The following CAMK2D variants were observed in gnomAD, a reference collection of about 807,000 sequenced individuals.
CAMK2D encodes calcium/calmodulin-dependent protein kinase type II subunit delta.
A neutral mutation model predicts 84.0 loss-of-function variants in CAMK2D; 37 were observed. That is an observed-to-expected ratio of 0.44 (90% CI 0.34 to 0.58). The LOEUF (loss-of-function observed/expected upper bound fraction) is 0.58. CAMK2D is among the 20% of genes least tolerant of loss of function. CAMK2D has a pLI of 0.02. For synonymous variants in CAMK2D, 202 were observed against 212.5 expected, an observed-to-expected ratio of 0.95 and a Z score of 0.43; for missense variants, 448 against 652.5, an observed-to-expected ratio of 0.69 and a Z score of 3.41.
At chr4:113,633,652 T>C (rs1339575953) in intron 3 of CAMK2D, among the ~76,000 whole-genome samples, 2 of 152,174 alleles carry the variant, frequency 1.3e-5, no homozygotes, top group African/African-American at 2.4e-5. Flanking sequence ...CAGGCCTCCA[T>C]AGCTGTCACT....
At chr4:113,676,567 G>A (rs765422442) in intron 2 of CAMK2D, among the ~76,000 whole-genome samples, 17 of 152,126 alleles carry the variant, frequency 1.1e-4, no homozygotes, top group Non-Finnish European at 2.4e-4. Flanking sequence ...GCCATTGAAG[G>A]AGTTAAAAAT....
intron 4 of CAMK2D, among the ~76,000 whole-genome samples, chr4:113,572,913 G>T (rs571709173): frequency 1.3e-5 from 2 of 152,264 alleles, no homozygotes; most frequent in South Asian, 4.1e-4. Context: ...GGGGCTGGAG[G>T]TTACCATCCT....
At chr4:113,674,102 C>A (rs1347145902) in intron 2 of CAMK2D, among the ~76,000 whole-genome samples, 1 of 152,034 alleles carries the variant, frequency 6.6e-6, no homozygotes, top group African/African-American at 2.4e-5. Flanking sequence ...ATGTCCAATA[C>A]CCTTTGGAAG....
intron 12 of CAMK2D, among the ~76,000 whole-genome samples, chr4:113,510,710 G>A (rs1281241645): frequency 6.6e-6 from 1 of 151,978 alleles, no homozygotes; most frequent in Non-Finnish European, 1.5e-5. Flanking sequence ...ATAGAATTTG[G>A]CTTCGAAAGT....
intron 3 of CAMK2D, among the ~76,000 whole-genome samples, chr4:113,651,966 C>T (rs1383143117): frequency 6.6e-6 from 1 of 152,034 alleles, no homozygotes; most frequent in African/African-American, 2.4e-5. Flanking sequence ...TAATATTTCC[C>T]TCTGGAACAA....
chr4:113,633,879 A>C (rs905757742), intron 3 of CAMK2D, among the ~76,000 whole-genome samples: 2 of 152,246 alleles, frequency 1.3e-5, no homozygotes, highest in African/African-American at 4.8e-5. Context: ...CAGGATTTAC[A>C]TTTGATAAAT....
In CAMK2D at chr4:113,673,743, C is replaced by T. The variant is rs72895905; in HGVS notation, c.161-11971G>A. Among the ~76,000 whole-genome samples the T allele has an allele frequency of 2.9e-3, 436 of 152,300 alleles. 1 individual carries two copies. Among genetic ancestry groups the T allele is most frequent in the African/African-American group, 9.7e-3 (405 of 41,554 alleles). On this transcript the variant is annotated intron_variant, in intron 2 of 20. Transcript: ENST00000511664. ...TGACAAAGAGTGTCAGTACCATACACCCCCTGGTGCAAGGAGGCTGTCAAG... is the reference window on the plus strand; with the variant it reads ...TGACAAAGAGTGTCAGTACCATACATCCCCTGGTGCAAGGAGGCTGTCAAG...
intron 2 of CAMK2D, among the ~76,000 whole-genome samples, chr4:113,679,218 A>G (rs2099330470): frequency 6.6e-6 from 1 of 152,218 alleles, no homozygotes; most frequent in Non-Finnish European, 1.5e-5. Flanking sequence ...AAGGTTGTTA[A>G]TGCTAAAGAG....
At chr4:113,481,622 G>A (rs946182307) in intron 16 of CAMK2D, among the ~76,000 whole-genome samples, 2 of 152,258 alleles carry the variant, frequency 1.3e-5, no homozygotes, top group Admixed American at 1.3e-4. Context: ...TGAGATTACA[G>A]GCATGCACCA....
intron 4 of CAMK2D, among the ~76,000 whole-genome samples, chr4:113,556,797 T>C (rs1458867575): frequency 6.6e-6 from 1 of 152,124 alleles, no homozygotes; most frequent in Admixed American, 6.5e-5. Flanking sequence ...AGATATAAAG[T>C]AAATCAAGCC....
At position 113,650,953 on chromosome 4, in the gene CAMK2D, C is replaced by T. The variant is rs897537077; in HGVS notation, c.220+10760G>A. Among the ~76,000 whole-genome samples the T allele has an allele frequency of 2.0e-5, 3 of 152,114 alleles. No homozygotes were observed. In the South Asian group the frequency reaches 6.2e-4, roughly 32 times the overall value. ...CTTCTTTGGTGAACAACTTGGTATG[C>T]TACAAAAATTTTTCCTCTTATTCTA... On this transcript the variant is annotated intron_variant, in intron 3 of 20. Coordinates refer to ENST00000511664, the MANE Select transcript of CAMK2D (RefSeq NM_001321571.2).
chr4:113,606,055 C>T (rs866105005), intron 4 of CAMK2D, among the ~76,000 whole-genome samples: 5 of 151,842 alleles, frequency 3.3e-5, no homozygotes, highest in Non-Finnish European at 7.4e-5. Flanking sequence ...TAAAAAAATG[C>T]TTCAGAGAGC....
chr4:113,508,517 G>GT (rs1157177364), intron 13 of CAMK2D, among the ~76,000 whole-genome samples: 1 of 152,194 alleles, frequency 6.6e-6, no homozygotes, highest in Non-Finnish European at 1.5e-5. Flanking sequence ...TTTGGAAAAT[G>GT]TAAGATACCA....
chr4:113,532,134 A>G (rs2098462788), intron 7 of CAMK2D, among the ~76,000 whole-genome samples: 1 of 152,186 alleles, frequency 6.6e-6, no homozygotes, highest in South Asian at 2.1e-4. Context: ...TGTCCAAGAA[A>G]GAAACTTTTT....
At chr4:113,478,475 T>C (rs2097658327) in intron 16 of CAMK2D, among the ~76,000 whole-genome samples, 1 of 152,198 alleles carries the variant, frequency 6.6e-6, no homozygotes, top group Non-Finnish European at 1.5e-5. Context: ...GCTTCTCTCT[T>C]CTTATAAAGA....
chr4:113,508,218 T>C, intron 13 of CAMK2D: 1 of 1,528,432 alleles, frequency 6.5e-7, no homozygotes, highest in Non-Finnish European at 8.9e-7. Flanking sequence ...AGGAGAAATC[T>C]GGCAGATAGA....
intron 7 of CAMK2D, among the ~76,000 whole-genome samples, chr4:113,533,570 T>C (rs1176882086): frequency 6.6e-6 from 1 of 151,930 alleles, no homozygotes; most frequent in Non-Finnish European, 1.5e-5. Context: ...TGTAACACAT[T>C]GGCATAAAAA....
intron 13 of CAMK2D, among the ~76,000 whole-genome samples, 188 bp from the exon 14 acceptor site, chr4:113,505,223 G>C (rs532966702): frequency 6.6e-5 from 10 of 152,246 alleles, no homozygotes; most frequent in African/African-American, 2.4e-4. Context: ...ACACAGGCTG[G>C]ACCATGTCCG....
chr4:113,745,056 T>A (rs756755695), intron 2 of CAMK2D, among the ~76,000 whole-genome samples: 4 of 152,184 alleles, frequency 2.6e-5, no homozygotes, highest in Non-Finnish European at 5.9e-5. Context: ...GGTTTCAGAA[T>A]CTCAGTGTCT....
Sources: allele counts gnomAD v4.1 joint callset (sites outside exome capture counted in the v4.1 genomes callset), GRCh38; gene constraint gnomAD v4.1.1; transcripts MANE v1.5; gene names NCBI Gene and HGNC (gene_info 2026-07-23, HGNC 2026-07-21).